The following SLC44A5 variants were observed in gnomAD, a reference collection of about 807,000 sequenced individuals.
SLC44A5 encodes the protein choline transporter-like protein 5.
Under a neutral mutation model 101.8 loss-of-function variants are expected in SLC44A5, and 57 were observed. The observed-to-expected ratio is 0.56, with a 90% confidence interval of 0.45 to 0.70. The LOEUF is 0.70. SLC44A5 is among the 30% of genes least tolerant of loss of function. The pLI, the probability that SLC44A5 is intolerant of heterozygous loss-of-function variation, is 0.00. For missense variants in SLC44A5, 737 were observed against 853.1 expected (o/e 0.86, Z 1.70); for synonymous variants, 281 against 290.9 (o/e 0.97, Z 0.35).
chr1:75,405,470 A>G (rs915598214), intron 2 of SLC44A5, among the ~76,000 whole-genome samples: 2 of 152,224 alleles, frequency 1.3e-5, no homozygotes, highest in East Asian at 1.9e-4. Flanking sequence ...ATCACTCCTC[A>G]GCAAATGCAA....
At chr1:75,664,139 A>G in the SLC44A5 span, among the ~76,000 whole-genome samples, 46 of 152,158 alleles carry the variant, frequency 3.0e-4, no homozygotes, top group African/African-American at 1.1e-3. Flanking sequence ...AACAAACTAG[A>G]TATCAAAAGA....
At chr1:75,504,727 TAA>T (rs1226287040) in intron 2 of SLC44A5, among the ~76,000 whole-genome samples, 1 of 152,200 alleles carries the variant, frequency 6.6e-6, no homozygotes, top group Non-Finnish European at 1.5e-5. Flanking sequence ...ATTAAAGTTC[TAA>T]ATTAGGGCAA....
chr1:75,621,313 A>G, the SLC44A5 span, among the ~76,000 whole-genome samples: 1 of 152,210 alleles, frequency 6.6e-6, no homozygotes, highest in African/African-American at 2.4e-5. Flanking sequence ...TCGTATAATC[A>G]TTATTCTTAG....
chr1:75,356,209 C>CAAAAA (rs35660365), intron 3 of SLC44A5, among the ~76,000 whole-genome samples: 11 of 76,086 alleles, frequency 1.4e-4, no homozygotes, highest in Non-Finnish European at 2.2e-4. Flanking sequence ...AAGACTGCCT[C>CAAAAA]AAAAAAAAAA....
At chr1:75,458,262 A>G (rs1267531204) in intron 2 of SLC44A5, among the ~76,000 whole-genome samples, 1 of 152,166 alleles carries the variant, frequency 6.6e-6, no homozygotes, top group African/African-American at 2.4e-5. Context: ...TCACCCAAAC[A>G]TAAGTAGTTC....
intron 2 of SLC44A5, among the ~76,000 whole-genome samples, chr1:75,478,213 G>A: frequency 6.6e-6 from 1 of 151,872 alleles, no homozygotes; most frequent in East Asian, 1.9e-4. Flanking sequence ...GAGAGATTTT[G>A]TCACCACCAG....
chr1:75,367,497 T>C (rs1659937780), intron 3 of SLC44A5, among the ~76,000 whole-genome samples: 1 of 152,202 alleles, frequency 6.6e-6, no homozygotes, highest in Admixed American at 6.5e-5. Context: ...GGGTCATTCC[T>C]GTTGCATTAT....
At chr1:75,222,231 C>G (rs962538029) in intron 14 of SLC44A5, 130 bp downstream of exon 14, 2 of 669,576 alleles carry the variant, frequency 3.0e-6, no homozygotes, top group African/African-American at 3.6e-5. Flanking sequence ...GCTGGGATTA[C>G]AGGTGTGAAC....
chr1:75,326,086 C>G (rs903558146), intron 4 of SLC44A5, among the ~76,000 whole-genome samples: 2 of 125,118 alleles, frequency 1.6e-5, no homozygotes, highest in African/African-American at 6.7e-5. Context: ...GTGATGTGCT[C>G]TCTCTCTCCG....
chr1:75,326,529 G>T (rs1656613194), intron 4 of SLC44A5, among the ~76,000 whole-genome samples: 1 of 152,088 alleles, frequency 6.6e-6, no homozygotes, highest in African/African-American at 2.4e-5. Flanking sequence ...GGTTAAGGAA[G>T]TAGACATGGT....
the SLC44A5 span, chr1:75,641,905 C>T: frequency 1.2e-6 from 2 of 1,603,096 alleles, no homozygotes; most frequent in Non-Finnish European, 1.7e-6. Flanking sequence ...CAAGAATTTC[C>T]TTCATTGGTT....
At chr1:75,518,406 G>A (rs1311815539) in intron 2 of SLC44A5, among the ~76,000 whole-genome samples, 2 of 152,162 alleles carry the variant, frequency 1.3e-5, no homozygotes, top group Non-Finnish European at 2.9e-5. Flanking sequence ...CGAGCAGTCT[G>A]TATTTATCAT....
At chr1:75,334,404 C>G (rs968149188) in intron 4 of SLC44A5, among the ~76,000 whole-genome samples, 2 of 152,126 alleles carry the variant, frequency 1.3e-5, no homozygotes, top group African/African-American at 4.8e-5. Flanking sequence ...ATTTAAAAGA[C>G]GATTTCAGTA....
the SLC44A5 span, among the ~76,000 whole-genome samples, chr1:75,650,356 A>G: frequency 6.6e-6 from 1 of 152,242 alleles, no homozygotes; most frequent in African/African-American, 2.4e-5. Context: ...GCAAAAGTAA[A>G]TAACATCAGA....
chr1:75,394,402 T>C (rs1661993453), intron 3 of SLC44A5, among the ~76,000 whole-genome samples: 1 of 152,140 alleles, frequency 6.6e-6, no homozygotes, highest in Non-Finnish European at 1.5e-5. Flanking sequence ...CTTTTGAGTT[T>C]TAGCGTGATG....
At position 75,489,959 on chromosome 1, in the gene SLC44A5, C is replaced by T. The variant is rs564878838; in HGVS notation, c.13+51476G>A. ...AGGTGATATTATTATATGTTCAATA[C>T]GCTTAGGTATTTGATCTCCAATAAG... On this transcript the variant is annotated intron_variant, in intron 2 of 23. Transcript: ENST00000370859. Among the ~76,000 whole-genome samples the T allele has an allele frequency of 8.7e-4, 132 of 151,908 alleles. 1 individual carries two copies. Among genetic ancestry groups the T allele is most frequent in the African/African-American group, 2.8e-3 (116 of 41,440 alleles).
chr1:75,298,268 G>A (rs942736324), intron 5 of SLC44A5, among the ~76,000 whole-genome samples: 5 of 151,558 alleles, frequency 3.3e-5, no homozygotes, highest in African/African-American at 7.3e-5. Context: ...AGTCAGTAAG[G>A]CTATATATAG....
intron 4 of SLC44A5, among the ~76,000 whole-genome samples, chr1:75,308,324 T>G (rs1273099317): frequency 2.0e-5 from 3 of 152,186 alleles, no homozygotes; most frequent in Non-Finnish European, 4.4e-5. Context: ...GGGTTTCCAT[T>G]GCCTTGAGAG....
chr1:75,242,191 A>G (rs2100606094), intron 8 of SLC44A5, 130 bp from the exon 9 acceptor site: 1 of 618,212 alleles, frequency 1.6e-6, no homozygotes, highest in East Asian at 2.9e-5. Context: ...TCTACTAATA[A>G]TATTAATTGT....
Sources: allele counts gnomAD v4.1 joint callset (sites outside exome capture counted in the v4.1 genomes callset), GRCh38; gene constraint gnomAD v4.1.1; transcripts MANE v1.5; gene names NCBI Gene and HGNC (gene_info 2026-07-23, HGNC 2026-07-21).